MYRIP: variants seen among roughly 807,000 people sequenced by gnomAD.
MYRIP encodes rab effector MyRIP.
A neutral mutation model predicts 98.0 loss-of-function variants in MYRIP; 49 were observed. The observed-to-expected ratio is 0.50, with a 90% CI of 0.40 to 0.63. The LOEUF (loss-of-function observed/expected upper bound fraction) is 0.63. Among genes scored for constraint, MYRIP ranks in the 30% least tolerant of loss-of-function variants. MYRIP has a pLI of 0.00. For synonymous variants in MYRIP, 404 were observed against 409.5 expected, an observed-to-expected ratio of 0.99 and a Z score of 0.16; for missense variants, 1,004 against 1,058.2, an observed-to-expected ratio of 0.95 and a Z score of 0.71.
intron 11 of MYRIP, among the ~76,000 whole-genome samples, chr3:40,227,829 C>A (rs1952532199): frequency 6.6e-6 from 1 of 152,162 alleles, no homozygotes; most frequent in African/African-American, 2.4e-5. Flanking sequence ...TGGGTGGACA[C>A]CTGACACATG....
intron 1 of MYRIP, among the ~76,000 whole-genome samples, chr3:39,815,886 C>T (rs1479205113): frequency 4.1e-5 from 4 of 98,454 alleles, no homozygotes; most frequent in Non-Finnish European, 6.6e-5. Flanking sequence ...ATTCTAATAG[C>T]GTTTTTTTTT....
intron 12 of MYRIP, among the ~76,000 whole-genome samples, chr3:40,241,874 A>G (rs1244928320): frequency 6.6e-6 from 1 of 152,220 alleles, no homozygotes; most frequent in African/African-American, 2.4e-5. Context: ...CTAGAATAAC[A>G]TTTTCATCAT....
chr3:39,936,318 C>G (rs955494272), intron 2 of MYRIP, among the ~76,000 whole-genome samples: 1 of 152,196 alleles, frequency 6.6e-6, no homozygotes, highest in African/African-American at 2.4e-5. Flanking sequence ...TCTGGAAACA[C>G]TAGCCTTGGC....
At chr3:39,819,929 A>G (rs1377273870) in intron 1 of MYRIP, among the ~76,000 whole-genome samples, 1 of 152,230 alleles carries the variant, frequency 6.6e-6, no homozygotes, top group Non-Finnish European at 1.5e-5. Flanking sequence ...GTGTATATTT[A>G]TATAACATCA....
At chr3:40,098,106 CATCA>C in intron 3 of MYRIP, among the ~76,000 whole-genome samples, 1 of 152,152 alleles carries the variant, frequency 6.6e-6, no homozygotes, top group African/African-American at 2.4e-5. Flanking sequence ...TATTGGGCCC[CATCA>C]GAGACCACTC....
intron 3 of MYRIP, among the ~76,000 whole-genome samples, chr3:40,079,597 T>C (rs748348805): frequency 6.6e-6 from 1 of 152,212 alleles, no homozygotes; most frequent in Non-Finnish European, 1.5e-5. Context: ...AAGCAATGAA[T>C]GTCGAAGTTC....
chr3:40,229,321 G>A lies in MYRIP; in HGVS notation c.1906-4538G>A, dbSNP rs185844135. On this transcript the variant is annotated intron_variant, in intron 11 of 16. Transcript: ENST00000302541. ...CTAAGGTAAAGTGTATTTGGGTCCTGAGACAAAAAAATACAAGTCTTACTC... is the reference window on the plus strand; with the variant it reads ...CTAAGGTAAAGTGTATTTGGGTCCTAAGACAAAAAAATACAAGTCTTACTC... Among the ~76,000 whole-genome samples, 180 of 152,202 alleles carry A rather than the reference G, an allele frequency of 1.2e-3. 3 individuals are homozygous for A. Among genetic ancestry groups the A allele is most frequent in the Middle Eastern group, 3.4e-3 (1 of 294 alleles).
At chr3:40,224,411 A>G (rs1459256220) in intron 11 of MYRIP, among the ~76,000 whole-genome samples, 1 of 108,888 alleles carries the variant, frequency 9.2e-6, no homozygotes, top group East Asian at 3.5e-4. Flanking sequence ...CAGTATAAAA[A>G]AGCAAAAAAA....
chr3:40,016,497 G>T (rs1440709463), intron 2 of MYRIP, among the ~76,000 whole-genome samples: 2 of 152,152 alleles, frequency 1.3e-5, no homozygotes, highest in African/African-American at 4.8e-5. Context: ...TCTTACTTCA[G>T]GTGGGATAAC....
At chr3:40,164,629 A>G (rs1038859393) in intron 5 of MYRIP, among the ~76,000 whole-genome samples, 1 of 152,220 alleles carries the variant, frequency 6.6e-6, no homozygotes, top group African/African-American at 2.4e-5. Flanking sequence ...TAGCCTAGCC[A>G]CGTTGACACA....
chr3:40,098,923 G>C (rs955354177), intron 3 of MYRIP, among the ~76,000 whole-genome samples: 1 of 149,364 alleles, frequency 6.7e-6, no homozygotes, highest in Non-Finnish European at 1.5e-5. Context: ...GTGTGTGCGT[G>C]TGTGTGTGTG....
chr3:40,071,600 C>CA (rs990152084), intron 3 of MYRIP, among the ~76,000 whole-genome samples: 6 of 152,082 alleles, frequency 3.9e-5, no homozygotes, highest in Non-Finnish European at 8.8e-5. Context: ...AGCTGGGACT[C>CA]ACTCAGAGCA....
chr3:39,952,356 C>T (rs569239628), intron 2 of MYRIP, among the ~76,000 whole-genome samples: 7 of 152,218 alleles, frequency 4.6e-5, no homozygotes, highest in African/African-American at 1.7e-4. Context: ...AATTCCTTTC[C>T]ATCCCATTTG....
rs192820408 is a variant in MYRIP at position 39,958,460 on chromosome 3, A to G, written c.110+57534A>G. ...TCCCTATTTAATAAATGGTGCTGGG[A>G]AAACTGGCTAGCCATATGCAGAAAG... is the stretch of plus-strand genomic sequence containing the variant. On this transcript the variant is annotated intron_variant, in intron 2 of 16. Coordinates refer to ENST00000302541, the MANE Select transcript of MYRIP (RefSeq NM_015460.4). 2.6e-3 allele frequency among the ~76,000 whole-genome samples: 402 copies of G among 152,316 alleles called. 2 individuals are homozygous for G. The highest frequency in any genetic ancestry group is 8.6e-3 in the African/African-American group (359 of 41,568).
chr3:39,921,396 C>T (rs149058539), intron 2 of MYRIP, among the ~76,000 whole-genome samples: 94 of 152,286 alleles, frequency 6.2e-4, no homozygotes, highest in African/African-American at 2.2e-3. Flanking sequence ...ACTCCACTCC[C>T]CTAACTGTTT....
intron 3 of MYRIP, among the ~76,000 whole-genome samples, chr3:40,087,070 C>T (rs540214268): frequency 1.7e-4 from 26 of 152,078 alleles, no homozygotes; most frequent in Non-Finnish European, 2.9e-4. Flanking sequence ...CATATTACCA[C>T]AGCAACTGTT....
chr3:40,036,168 T>C (rs927473663), intron 2 of MYRIP, among the ~76,000 whole-genome samples: 3 of 151,786 alleles, frequency 2.0e-5, no homozygotes, highest in African/African-American at 4.8e-5. Flanking sequence ...AAATCCACAC[T>C]TAGTTACTTC....
chr3:40,093,344 A>G (rs977005139), intron 3 of MYRIP, among the ~76,000 whole-genome samples: 1 of 152,068 alleles, frequency 6.6e-6, no homozygotes, highest in Non-Finnish European at 1.5e-5. Context: ...CCCCTTAATA[A>G]CCACCACCTG....
At chr3:39,872,819 G>A (rs376536562) in intron 1 of MYRIP, among the ~76,000 whole-genome samples, 41 of 152,074 alleles carry the variant, frequency 2.7e-4, no homozygotes, top group African/African-American at 8.7e-4. Context: ...TGTCTTTATA[G>A]CAGCATGATT....
Sources: allele counts gnomAD v4.1 joint callset (sites outside exome capture counted in the v4.1 genomes callset), GRCh38; gene constraint gnomAD v4.1.1; transcripts MANE v1.5; gene names NCBI Gene and HGNC (gene_info 2026-07-23, HGNC 2026-07-21).